The following SEPTIN6 variants were observed in gnomAD, a reference collection of about 807,000 sequenced individuals.
SEPTIN6 encodes septin 6.
SEPTIN6 carries 8 observed loss-of-function variants against 33.6 expected under a neutral mutation model. The observed-to-expected ratio is 0.24, with a 90% CI of 0.14 to 0.43. The LOEUF (loss-of-function observed/expected upper bound fraction) is 0.43. Ranked by LOEUF, SEPTIN6 falls within the 20% of genes least tolerant of loss-of-function variation. SEPTIN6 has a pLI of 1.00. For missense variants in SEPTIN6, 250 were observed against 340.8 expected, an observed-to-expected ratio of 0.73 and a Z score of 2.10; for synonymous variants, 131 against 140.0, an observed-to-expected ratio of 0.94 and a Z score of 0.45.
At chrX:119,636,897 C>A in intron 7 of SEPTIN6, 130 bp downstream of exon 7, 1 of 762,295 alleles carries the variant, frequency 1.3e-6, no homozygotes, top group Middle Eastern at 4.3e-4. Flanking sequence ...AAGTGAGTCG[C>A]CCCTGCTCCT....
intron 1 of SEPTIN6, among the ~76,000 whole-genome samples, chrX:119,679,247 G>A (rs1321933769): frequency 2.2e-4 from 25 of 111,717 alleles, no homozygotes; most frequent in African/African-American, 8.1e-4. Flanking sequence ...TGGCCCAAAA[G>A]AAATAATTTT....
At chrX:119,644,266 A>G (rs968117249) in intron 5 of SEPTIN6, among the ~76,000 whole-genome samples, 7 of 111,362 alleles carry the variant, frequency 6.3e-5, no homozygotes, top group African/African-American at 2.3e-4. Context: ...CAGATTTCCC[A>G]GTGTCAGAAA....
intron 10 of SEPTIN6, among the ~76,000 whole-genome samples, chrX:119,620,599 G>C (rs1479411967): frequency 1.8e-5 from 2 of 109,379 alleles, no homozygotes; most frequent in Non-Finnish European, 3.8e-5. Flanking sequence ...GATTACAGGC[G>C]TGAGCCACTG....
chrX:119,636,693 T>C (rs1239287081), intron 7 of SEPTIN6, among the ~76,000 whole-genome samples: 3 of 111,550 alleles, frequency 2.7e-5, no homozygotes, highest in South Asian at 3.8e-4. Context: ...AGCTTGGGGA[T>C]TCCCCCCAGC....
intron 5 of SEPTIN6, among the ~76,000 whole-genome samples, chrX:119,641,525 G>C: frequency 8.9e-6 from 1 of 112,348 alleles, no homozygotes; most frequent in East Asian, 2.8e-4. Context: ...TATATGGTCT[G>C]GTACCCTGTA....
intron 2 of SEPTIN6, among the ~76,000 whole-genome samples, chrX:119,671,450 GCTAA>G (rs1236741682): frequency 1.8e-5 from 2 of 109,331 alleles, no homozygotes; most frequent in African/African-American, 3.3e-5. Context: ...ACCACGCCTG[GCTAA>G]CTTTTTTGTA....
intron 1 of SEPTIN6, among the ~76,000 whole-genome samples, chrX:119,681,762 G>A (rs1301850908): frequency 8.9e-6 from 1 of 111,899 alleles, no homozygotes; most frequent in East Asian, 2.8e-4. Flanking sequence ...GAAGAAAATG[G>A]AAGTTATTAC....
At chrX:119,621,551 G>T (rs756524540) in intron 10 of SEPTIN6, among the ~76,000 whole-genome samples, 3 of 105,753 alleles carry the variant, frequency 2.8e-5, no homozygotes, top group Non-Finnish European at 5.8e-5. Flanking sequence ...GAGTGCAATG[G>T]TGCGATCTTG....
chrX:119,641,972 C>T (rs779077081), intron 5 of SEPTIN6, among the ~76,000 whole-genome samples: 1 of 111,752 alleles, frequency 8.9e-6, no homozygotes, highest in African/African-American at 3.2e-5. Context: ...TACTGAGCTC[C>T]TATGATATGT....
intron 6 of SEPTIN6, among the ~76,000 whole-genome samples, chrX:119,640,315 G>T (rs1276287798): frequency 9.1e-6 from 1 of 109,752 alleles, no homozygotes; most frequent in Non-Finnish European, 1.9e-5. Flanking sequence ...CACTGTGCCC[G>T]GCCTATCCAG....
chrX:119,656,669 C>T (rs762900729), intron 3 of SEPTIN6, among the ~76,000 whole-genome samples: 50 of 111,961 alleles, frequency 4.5e-4, no homozygotes, highest in African/African-American at 1.4e-3. Context: ...GGGCGGATCA[C>T]GAGGTCAGGA....
chrX:119,659,292 C>T lies in SEPTIN6; in HGVS notation c.341+4190G>A, dbSNP rs528193287. ...GAGCAGGAATCTGGTCTTAGACTGA[C>T]TTTTCTGTTCCATTGCTCTTTTTGC... On this transcript the variant is annotated intron_variant, in intron 3 of 10. Transcript: ENST00000394610. Among the ~76,000 whole-genome samples, 9 of 111,902 alleles carry T rather than the reference C, an allele frequency of 8.0e-5. No homozygotes were observed. The South Asian group carries it at 3.4e-3, about 42-fold the overall frequency.
At chrX:119,616,910 TCTG>T, downstream of SEPTIN6, 1 of 1,083,027 alleles carries the variant, frequency 9.2e-7, no homozygotes, top group South Asian at 2.4e-5. Context: ...CACGGGGAAA[TCTG>T]CTGAGAAGGT....
intron 9 of SEPTIN6, 163 bp from the exon 10 acceptor site, chrX:119,625,542 C>CT: frequency 5.0e-6 from 2 of 397,994 alleles, no homozygotes; most frequent in Admixed American, 4.4e-5. Flanking sequence ...AACACTGATA[C>CT]TCTTTTTTTT....
chrX:119,643,929 TTCCACTGC>T (rs1355161304), intron 5 of SEPTIN6, among the ~76,000 whole-genome samples: 2 of 111,725 alleles, frequency 1.8e-5, no homozygotes, highest in Admixed American at 1.9e-4. Flanking sequence ...TGGCCCTCTG[TTCCACTGC>T]TTTTGAGAGA....
intron 5 of SEPTIN6, 106 bp downstream of exon 5, chrX:119,649,831 A>G: frequency 1.2e-6 from 1 of 829,906 alleles, no homozygotes; most frequent in East Asian, 3.2e-5. Context: ...TGATCACACC[A>G]CTGCACTCCA....
At chrX:119,673,127 T>TG (rs1252974743) in intron 2 of SEPTIN6, among the ~76,000 whole-genome samples, 3 of 111,643 alleles carry the variant, frequency 2.7e-5, no homozygotes, top group Non-Finnish European at 5.6e-5. Flanking sequence ...TCTCAGCACT[T>TG]TGGTAGGCTG....
chrX:119,632,486 G>A (rs974126448), intron 8 of SEPTIN6, among the ~76,000 whole-genome samples: 5 of 109,181 alleles, frequency 4.6e-5, no homozygotes, highest in Non-Finnish European at 7.7e-5. Flanking sequence ...GTGAGCCACC[G>A]CGCCCAGCCA....
intron 3 of SEPTIN6, among the ~76,000 whole-genome samples, chrX:119,662,835 C>G (rs778195239): frequency 1.8e-5 from 2 of 112,708 alleles, no homozygotes; most frequent in South Asian, 7.3e-4. Context: ...GCAAGCTACA[C>G]TTCCCTAGAA....
Sources: gnomAD v4.1 joint callset for allele counts (sites outside exome capture counted in the v4.1 genomes callset) on GRCh38, gnomAD v4.1.1 for gene constraint, MANE v1.5 for transcripts, NCBI Gene and HGNC (gene_info 2026-07-23, HGNC 2026-07-21) for gene names.